Variants in MED12L observed in about 807,000 individuals in gnomAD.
MED12L encodes mediator of RNA polymerase II transcription subunit 12-like protein.
In MED12L, 60 loss-of-function variants were observed where a neutral mutation model predicts 281.3. The observed-to-expected ratio is 0.21, with a 90% CI of 0.17 to 0.26. MED12L has a LOEUF of 0.26. MED12L is among the 10% of genes least tolerant of loss of function. The probability of loss-of-function intolerance (pLI) is 1.00; values close to 1 mark genes in which losing one functional copy is unlikely to be tolerated. For synonymous variants in MED12L, 974 were observed against 987.2 expected (o/e 0.99, Z 0.25); for missense variants, 2,146 against 2,680.9 (o/e 0.80, Z 4.41).
At chr3:151,152,948 A>G (rs1718756366) in intron 5 of MED12L, among the ~76,000 whole-genome samples, 1 of 151,822 alleles carries the variant, frequency 6.6e-6, no homozygotes, top group African/African-American at 2.4e-5. Flanking sequence ...CTGAGCTTCC[A>G]TTTCTCTCTT....
chr3:151,236,223 C>G (rs781135123), intron 16 of MED12L, among the ~76,000 whole-genome samples: 22 of 152,156 alleles, frequency 1.4e-4, no homozygotes, highest in Non-Finnish European at 2.6e-4. Flanking sequence ...CAACTTTGGT[C>G]AAATTAAGGA....
chr3:151,124,748 C>T (rs547796884), intron 4 of MED12L, among the ~76,000 whole-genome samples: 2 of 152,268 alleles, frequency 1.3e-5, no homozygotes, highest in African/African-American at 4.8e-5. Flanking sequence ...CGCGCCAAGG[C>T]GTTTATCCAC....
intron 16 of MED12L, among the ~76,000 whole-genome samples, chr3:151,242,912 A>C (rs1333663221): frequency 6.6e-6 from 1 of 150,684 alleles, no homozygotes; most frequent in African/African-American, 2.4e-5. Context: ...AATACAGAGA[A>C]GTGCTTAAAG....
Position 151,156,126 on chromosome 3 carries a change from C to T in MED12L, c.557-35C>T, listed in dbSNP as rs745540550. The T allele has an allele frequency of 1.4e-4, 222 of 1,548,284 alleles. 1 individual carries two copies. Among genetic ancestry groups the T allele is most frequent in the Non-Finnish European group, 1.9e-4 (214 of 1,141,676 alleles). ...CATGTAATTCTTGTACCCATTGTGT[C>T]TAGAAACTCATATTTTTCTTTTTTT... On this transcript the variant is annotated intron_variant, in intron 5 of 44. Transcript: ENST00000687756.
At chr3:151,430,189 G>T (rs762430041) in intron 43 of MED12L, 110 bp from the exon 44 acceptor site, 2 of 1,469,096 alleles carry the variant, frequency 1.4e-6, no homozygotes, top group Admixed American at 2.2e-5. Flanking sequence ...CCCTTTTTTC[G>T]TGAAGTGTTG....
At chr3:151,220,117 C>T (rs1487241859) in intron 16 of MED12L, among the ~76,000 whole-genome samples, 1 of 147,568 alleles carries the variant, frequency 6.8e-6, no homozygotes, top group African/African-American at 2.5e-5. Context: ...CTGACTTCTG[C>T]CTACTAGATG....
At chr3:151,283,547 T>C (rs1743087728) in intron 16 of MED12L, among the ~76,000 whole-genome samples, 1 of 152,248 alleles carries the variant, frequency 6.6e-6, no homozygotes, top group Non-Finnish European at 1.5e-5. Context: ...CACCACGTCT[T>C]TAGACATGTC....
At chr3:151,378,430 C>T (rs1019420573) in intron 31 of MED12L, among the ~76,000 whole-genome samples, 4 of 152,088 alleles carry the variant, frequency 2.6e-5, no homozygotes, top group Admixed American at 1.3e-4. Context: ...TTCCGAGACC[C>T]GCTTTAGACC....
In MED12L at chr3:151,338,082, G is replaced by T. The variant is rs768479880; in HGVS notation, c.2251-11977G>T. On this transcript the variant is annotated intron_variant, in intron 16 of 44. Coordinates refer to ENST00000687756, the MANE Select transcript of MED12L (RefSeq NM_001393769.1). ...TTGGCTCAGGGTGTAAGGAATTCGG[G>T]CAAAATGGAAAGGAACAAAACAAAT... 2.5e-6 allele frequency: 4 copies of T among 1,613,834 alleles called. No individual in the cohort carries two copies. Among genetic ancestry groups the T allele is most frequent in the African/African-American group, 1.3e-5 (1 of 74,992 alleles).
chr3:151,094,667 T>C (rs1011138497), intron 2 of MED12L, among the ~76,000 whole-genome samples: 2 of 152,232 alleles, frequency 1.3e-5, no homozygotes, highest in African/African-American at 4.8e-5. Flanking sequence ...TAATTTTGAC[T>C]TAAAAATATA....
At chr3:151,294,557 G>A (rs947871181) in intron 16 of MED12L, 1 of 1,614,118 alleles carries the variant, frequency 6.2e-7, no homozygotes, top group Non-Finnish European at 8.5e-7. Flanking sequence ...GATGTACCTG[G>A]ATATGGCTAT....
intron 5 of MED12L, among the ~76,000 whole-genome samples, chr3:151,146,425 G>C (rs1184572462): frequency 6.6e-6 from 1 of 152,122 alleles, no homozygotes; most frequent in Admixed American, 6.6e-5. Flanking sequence ...CCTTGTTGCT[G>C]TCTACTTTTG....
chr3:151,141,178 G>GTTTTTTTTTTTTTTTTTTTTTTTTT (rs370095367), intron 5 of MED12L, among the ~76,000 whole-genome samples: 8 of 102,230 alleles, frequency 7.8e-5, no homozygotes, highest in South Asian at 3.4e-4. Context: ...TTTTTTTTTT[G>GTTTTTTTTTTTTTTTTTTTTTTTTT]TTTTTTTTGT....
intron 20 of MED12L, 141 bp from the exon 21 acceptor site, chr3:151,360,333 T>A (rs1754460251): frequency 1.4e-6 from 1 of 716,658 alleles, no homozygotes; most frequent in African/African-American, 1.8e-5. Flanking sequence ...ACTGAGTTAT[T>A]TACTATTCTA....
intron 11 of MED12L, among the ~76,000 whole-genome samples, chr3:151,176,735 T>C (rs941768640): frequency 2.0e-5 from 3 of 152,186 alleles, no homozygotes; most frequent in African/African-American, 7.2e-5. Flanking sequence ...ACTTTCAAAA[T>C]GATGCTAAGT....
At position 151,394,658 on chromosome 3, in the gene MED12L, G is replaced by T; in HGVS notation, c.5611G>T (p.Gly1871Cys). 2 of 1,614,050 alleles carry T rather than the reference G, an allele frequency of 1.2e-6. No individual in the cohort carries two copies. Among genetic ancestry groups the T allele is most frequent in the Non-Finnish European group, 1.7e-6 (2 of 1,180,004 alleles). Residue 1871 changes from glycine (G) to cysteine (C), a missense_variant and splice_region_variant, in exon 39 of 45, where the codon GGC becomes TGC. Gly to Cys is a radical substitution (Grantham distance 159). Coordinates refer to ENST00000687756, the MANE Select transcript of MED12L (RefSeq NM_001393769.1). ...TTTCCTTTTGGTTGCTTTTGTAGGT[G>T]GCTCCAGATTGGACCCTGCAGGCTC... ...FLQNQSLTPG[G>C]SRLDPAGSFV...
intron 16 of MED12L, among the ~76,000 whole-genome samples, chr3:151,227,341 TACA>T (rs1730724728): frequency 6.6e-6 from 1 of 152,220 alleles, no homozygotes; most frequent in South Asian, 2.1e-4. Context: ...TCACAGTCTT[TACA>T]ACCCATAAAG....
At chr3:151,267,597 G>A (rs960787944) in intron 16 of MED12L, among the ~76,000 whole-genome samples, 2 of 152,104 alleles carry the variant, frequency 1.3e-5, no homozygotes, top group African/African-American at 4.8e-5. Context: ...TTTTTTTAAA[G>A]CCACCTAAAT....
rs548805182 is a variant in MED12L, at chr3:151,234,569, C to T, written c.2250+40903C>T. 2.6e-5 allele frequency among the ~76,000 whole-genome samples: 4 copies of T among 152,242 alleles called. No homozygotes were observed. In the South Asian group the frequency reaches 8.3e-4, roughly 32 times the overall value. On this transcript the variant is annotated intron_variant, in intron 16 of 44. Transcript: ENST00000687756. ...TCATAGTAGGTGCTGTATAAACTTT[C>T]TGATGAATGACCAAAAATATCCTTA...
Sources: gnomAD v4.1 joint callset for allele counts (sites outside exome capture counted in the v4.1 genomes callset) on GRCh38, gnomAD v4.1.1 for gene constraint, MANE v1.5 for transcripts, NCBI Gene and HGNC (gene_info 2026-07-23, HGNC 2026-07-21) for gene names.